The following SNX29 variants were observed in gnomAD, a reference collection of about 807,000 sequenced individuals.
SNX29 encodes the protein sorting nexin-29.
Under a neutral mutation model 102.1 loss-of-function variants are expected in SNX29, and 78 were observed. That is an observed-to-expected ratio of 0.76 (90% confidence interval 0.64 to 0.92). SNX29 has a LOEUF of 0.92. Ranked by LOEUF, SNX29 falls within the 40% of genes least tolerant of loss-of-function variation. The pLI is 0.00. For synonymous variants in SNX29, 580 were observed against 414.5 expected (o/e 1.40, Z -4.85); for missense variants, 1,280 against 1,061.7 (o/e 1.21, Z -2.86).
At chr16:12,382,802 C>T (rs1188595320) in intron 16 of SNX29, among the ~76,000 whole-genome samples, 1 of 152,070 alleles carries the variant, frequency 6.6e-6, no homozygotes, top group Non-Finnish European at 1.5e-5. Context: ...ATGGCCGTGT[C>T]ACACCAATCT....
chr16:12,451,616 C>G (rs998218512), intron 18 of SNX29, among the ~76,000 whole-genome samples: 3 of 152,210 alleles, frequency 2.0e-5, no homozygotes, highest in African/African-American at 7.2e-5. Context: ...GTAATCCCAG[C>G]ACTTTGGGAG....
intron 16 of SNX29, among the ~76,000 whole-genome samples, chr16:12,394,710 A>G (rs1047728491): frequency 2.2e-4 from 33 of 152,336 alleles, no homozygotes; most frequent in African/African-American, 6.7e-4. Flanking sequence ...CCACCTGGAG[A>G]AAGCCCGAGC....
chr16:12,489,145 C>A (rs544805716), intron 19 of SNX29, among the ~76,000 whole-genome samples: 1 of 152,250 alleles, frequency 6.6e-6, no homozygotes, highest in South Asian at 2.1e-4. Context: ...TTGGCTCTTA[C>A]CCTTTTGAGT....
intron 4 of SNX29, 96 bp downstream of exon 4, chr16:12,027,540 C>T (rs892890356): frequency 2.2e-5 from 32 of 1,479,776 alleles, no homozygotes; most frequent in South Asian, 3.8e-5. Context: ...GCAGTGATCG[C>T]GTGGGACTTG....
intron 8 of SNX29, among the ~76,000 whole-genome samples, chr16:12,053,696 A>G (rs1049562389): frequency 1.4e-5 from 2 of 143,314 alleles, no homozygotes; most frequent in African/African-American, 5.3e-5. Flanking sequence ...GACTGTGCCT[A>G]TTATTGTTTT....
At position 12,027,367 on chromosome 16, in the gene SNX29, T is replaced by TGAAGAG; in HGVS notation, c.173_178dup (p.Lys58_Arg59dup). On this transcript the variant is annotated inframe_insertion, in exon 4 of 21. Transcript: ENST00000566228. Reference sequence around the variant, plus strand: ...TTTGAAGCCGTCCTGCAGCATGGCTTGAAGAGGAGTCGAGGATTGGCACTC... The same window carrying TGAAGAG: ...TTTGAAGCCGTCCTGCAGCATGGCTTGAAGAGGAAGAGGAGTCGAGGATTGGCACTC... The TGAAGAG allele has an allele frequency of 6.2e-7, 1 of 1,614,096 alleles. No individual in the cohort carries two copies. The highest frequency in any genetic ancestry group is 2.2e-5 in the East Asian group (1 of 44,882).
intron 18 of SNX29, among the ~76,000 whole-genome samples, chr16:12,442,757 A>T (rs949545786): frequency 6.6e-6 from 1 of 151,316 alleles, no homozygotes; most frequent in African/African-American, 2.4e-5. Flanking sequence ...CACCTGGCTA[A>T]TTTTTTCTTT....
chr16:12,430,218 A>G (rs1370489837), intron 18 of SNX29, among the ~76,000 whole-genome samples: 1 of 152,168 alleles, frequency 6.6e-6, no homozygotes, highest in East Asian at 1.9e-4. Context: ...GCCCCAGTCC[A>G]TGGAAAAATT....
intron 4 of SNX29, among the ~76,000 whole-genome samples, chr16:12,034,782 G>A (rs2057429185): frequency 6.6e-6 from 1 of 152,128 alleles, no homozygotes; most frequent in Non-Finnish European, 1.5e-5. Context: ...AGGCCGAGGT[G>A]GGTGGATCAC....
At chr16:12,242,222 T>TAC (rs1312943569) in intron 14 of SNX29, among the ~76,000 whole-genome samples, 1 of 151,988 alleles carries the variant, frequency 6.6e-6, no homozygotes, top group East Asian at 1.9e-4. Context: ...AGCGGTGGAC[T>TAC]ACAGCCTTGA....
intron 20 of SNX29, among the ~76,000 whole-genome samples, chr16:12,552,525 C>G (rs956559229): frequency 1.3e-5 from 2 of 152,188 alleles, no homozygotes; most frequent in African/African-American, 4.8e-5. Flanking sequence ...AATGGGCCTT[C>G]ATTTCTCAGT....
chr16:12,341,307 C>T (rs1171590299), intron 15 of SNX29, among the ~76,000 whole-genome samples: 2 of 152,144 alleles, frequency 1.3e-5, no homozygotes, highest in African/African-American at 2.4e-5. Context: ...TGTCTGAGAC[C>T]AGTTTCTTCT....
intron 14 of SNX29, among the ~76,000 whole-genome samples, chr16:12,256,430 C>A (rs565016667): frequency 2.6e-5 from 4 of 152,232 alleles, no homozygotes; most frequent in African/African-American, 9.6e-5. Context: ...CTGGTTCAGG[C>A]GATTCTCCTG....
chr16:12,430,030 C>CT (rs370303313), intron 18 of SNX29, among the ~76,000 whole-genome samples: 1 of 152,352 alleles, frequency 6.6e-6, no homozygotes, highest in East Asian at 1.9e-4. Flanking sequence ...GCAAGCATTA[C>CT]TGCCTGAGCT....
intron 13 of SNX29, among the ~76,000 whole-genome samples, chr16:12,134,159 C>T (rs866390588): frequency 6.6e-6 from 1 of 152,198 alleles, no homozygotes; most frequent in Non-Finnish European, 1.5e-5. Context: ...AAAAGACACA[C>T]ATTTACAGGA....
intron 20 of SNX29, among the ~76,000 whole-genome samples, chr16:12,541,034 T>G (rs181647865): frequency 2.8e-4 from 43 of 152,318 alleles, no homozygotes; most frequent in African/African-American, 9.6e-4. Context: ...ACTGGTCATC[T>G]CTGTAGTCTG....
chr16:12,186,379 C>G (rs537284752), intron 13 of SNX29, among the ~76,000 whole-genome samples: 11 of 152,204 alleles, frequency 7.2e-5, no homozygotes, highest in Admixed American at 1.3e-4. Flanking sequence ...CTCTGTGTAT[C>G]CATACAAACT....
chr16:12,197,463 T>TGG (rs1302354334), intron 13 of SNX29, among the ~76,000 whole-genome samples: 1 of 151,706 alleles, frequency 6.6e-6, no homozygotes, highest in African/African-American at 2.4e-5. Flanking sequence ...CCCAGATACT[T>TGG]GGGAGGCTGA....
intron 15 of SNX29, among the ~76,000 whole-genome samples, chr16:12,306,950 AC>A: frequency 6.6e-6 from 1 of 152,058 alleles, no homozygotes; most frequent in African/African-American, 2.4e-5. Flanking sequence ...GGCTGCCTGC[AC>A]CCCCTTGTGC....
Sources: gnomAD v4.1 joint callset for allele counts (sites outside exome capture counted in the v4.1 genomes callset) on GRCh38, gnomAD v4.1.1 for gene constraint, MANE v1.5 for transcripts, NCBI Gene and HGNC (gene_info 2026-07-23, HGNC 2026-07-21) for gene names.